The following CRTAC1 variants were observed in gnomAD, a reference collection of about 807,000 sequenced individuals.
CRTAC1 encodes cartilage acidic protein 1.
In CRTAC1, 37 loss-of-function variants were observed where a neutral mutation model predicts 67.8. That is an observed-to-expected ratio of 0.55 (90% CI 0.42 to 0.72). CRTAC1 has a LOEUF of 0.72. Among genes scored for constraint, CRTAC1 ranks in the 30% least tolerant of loss-of-function variants. The probability of loss-of-function intolerance (pLI) is 0.00; values close to 1 mark genes in which losing one functional copy is unlikely to be tolerated. For missense variants in CRTAC1, 780 were observed against 931.6 expected, an observed-to-expected ratio of 0.84 and a Z score of 2.12; for synonymous variants, 348 against 371.0, an observed-to-expected ratio of 0.94 and a Z score of 0.71.
rs1004596888 is a variant in CRTAC1 at position 97,936,484 on chromosome 10, G to A, written c.225-118C>T. The A allele has an allele frequency of 9.1e-5, 68 of 750,548 alleles. No homozygotes were observed. The African/African-American group carries it at 1.1e-3, about 12-fold the overall frequency. The allele number at this position is 750,548 out of a possible 1,614,324, so 46.5% of individuals were successfully genotyped here. A position where few individuals can be genotyped will look rare whatever the true frequency, so the allele number is the denominator to read the frequency against. ...ACACGCCATGGGGCAAGTCAGACCT[G>A]GAGTGTTCCCAGGGAACACGGCCAG... On this transcript the variant is annotated intron_variant, in intron 2 of 14. Coordinates refer to ENST00000370597, the MANE Select transcript of CRTAC1 (RefSeq NM_018058.7).
chr10:98,008,011 C>T (rs1016418692), intron 2 of CRTAC1, among the ~76,000 whole-genome samples: 4 of 152,152 alleles, frequency 2.6e-5, no homozygotes, highest in Non-Finnish European at 4.4e-5. Flanking sequence ...CACACAGAGC[C>T]CACATTTACG....
rs371996672 is a variant in CRTAC1 at position 97,897,414 on chromosome 10, C to A, written c.1134-423G>T. The stretch of plus-strand genomic sequence containing the variant: ...TGGACCATCCTGCTGGAAGCAATCC[C>A]TTCTTTCTTCATGGGCTTTATTACT... On this transcript the variant is annotated intron_variant, in intron 8 of 14. Transcript: ENST00000370597. Among the ~76,000 whole-genome samples the A allele has an allele frequency of 1.5e-3, 233 of 152,340 alleles. 2 individuals carry two copies. Among genetic ancestry groups the A allele is most frequent in the African/African-American group, 5.1e-3 (211 of 41,588 alleles).
chr10:97,953,624 A>G (rs2051395314), intron 2 of CRTAC1, among the ~76,000 whole-genome samples: 1 of 152,282 alleles, frequency 6.6e-6, no homozygotes, highest in Non-Finnish European at 1.5e-5. Context: ...TAGCGCATTG[A>G]TGGCTTAATC....
At chr10:97,999,868 C>T (rs934091497) in intron 2 of CRTAC1, among the ~76,000 whole-genome samples, 1 of 152,186 alleles carries the variant, frequency 6.6e-6, no homozygotes. Context: ...TCCAGGGCCC[C>T]CTCACTGCTG....
intron 2 of CRTAC1, among the ~76,000 whole-genome samples, chr10:97,963,444 T>G (rs1444815340): frequency 1.3e-5 from 2 of 152,206 alleles, no homozygotes; most frequent in African/African-American, 2.4e-5. Flanking sequence ...ACTCTCAATT[T>G]TAAGAACCAC....
chr10:98,015,613 G>A (rs1842983081), intron 1 of CRTAC1, among the ~76,000 whole-genome samples: 1 of 152,176 alleles, frequency 6.6e-6, no homozygotes, highest in Non-Finnish European at 1.5e-5. Context: ...CCAAATTTTT[G>A]TTGCTGTTAA....
intron 1 of CRTAC1, among the ~76,000 whole-genome samples, chr10:98,021,075 C>T (rs554416098): frequency 5.3e-5 from 8 of 152,190 alleles, no homozygotes; most frequent in African/African-American, 1.2e-4. Flanking sequence ...TGTCAGGTAC[C>T]GCTCTGGGCA....
intron 11 of CRTAC1, among the ~76,000 whole-genome samples, chr10:97,892,133 T>C (rs1265245545): frequency 6.6e-6 from 1 of 152,194 alleles, no homozygotes; most frequent in Non-Finnish European, 1.5e-5. Flanking sequence ...CAGAAGGGGC[T>C]CTTGAGCCTC....
chr10:97,895,710 C>T lies in CRTAC1; in HGVS notation c.1317+175G>A, dbSNP rs141104521. Among the ~76,000 whole-genome samples the T allele has an allele frequency of 6.7e-4, 102 of 152,278 alleles. No homozygotes were observed. The highest frequency in any genetic ancestry group is 2.2e-3 in the African/African-American group (91 of 41,556). Reference sequence around the variant, plus strand: ...AGAGAGGCAAGGGCTTCTCCCAAGGCGGCCCTTCCTGAGCTTCCCGGTGCT... The same window carrying T: ...AGAGAGGCAAGGGCTTCTCCCAAGGTGGCCCTTCCTGAGCTTCCCGGTGCT... On this transcript the variant is annotated intron_variant, in intron 10 of 14. Coordinates refer to ENST00000370597, the MANE Select transcript of CRTAC1 (RefSeq NM_018058.7). This position sits in a 1 kb window ranked among gnomAD's most constrained non-coding sequence, Gnocchi z 4.2.
intron 13 of CRTAC1, among the ~76,000 whole-genome samples, chr10:97,882,532 G>A (rs1417883989): frequency 1.3e-5 from 2 of 152,140 alleles, no homozygotes; most frequent in Non-Finnish European, 2.9e-5. Context: ...GCAGTTTCTC[G>A]GTACTCATGG....
intron 3 of CRTAC1, among the ~76,000 whole-genome samples, chr10:97,924,045 C>G (rs2050878814): frequency 6.6e-6 from 1 of 152,060 alleles, no homozygotes; most frequent in Non-Finnish European, 1.5e-5. Context: ...ATTACTGGCC[C>G]CTTTGAGAAT....
At chr10:98,017,502 C>T (rs7082433) in intron 1 of CRTAC1, among the ~76,000 whole-genome samples, 6,461 of 152,178 alleles carry the variant, frequency 0.042, 433 homozygotes, top group African/African-American at 0.14. Context: ...ACTTGTGTTT[C>T]AAGCTGTGAG....
chr10:97,997,047 G>A (rs1842589917), intron 2 of CRTAC1, among the ~76,000 whole-genome samples: 1 of 138,732 alleles, frequency 7.2e-6, no homozygotes. Context: ...AGAACACATG[G>A]ACACAGGAAG....
intron 2 of CRTAC1, among the ~76,000 whole-genome samples, chr10:97,956,706 A>G (rs944317514): frequency 6.6e-6 from 1 of 152,196 alleles, no homozygotes; most frequent in African/African-American, 2.4e-5. Flanking sequence ...AAACACTAAC[A>G]TAACCCAGAC....
Position 97,917,504 on chromosome 10 carries a change from A to G in CRTAC1, c.711T>C (p.Tyr237=). 6.4e-7 allele frequency: 1 copy of G among 1,571,244 alleles called. No homozygotes were observed. Among genetic ancestry groups the G allele is most frequent in the Non-Finnish European group, 8.7e-7 (1 of 1,153,430 alleles). Residue 237 remains tyrosine (Y), a synonymous_variant, in exon 5 of 15, where the codon TAT becomes TAC. Transcript: ENST00000370597. ...DVAAEAGVSK[Y]TGGRGVSVGP... ...CTCCCATGTCACTCTGCATACCTGTATATTTGCTGACCCCAGCCTCAGCAG... is the reference window on the plus strand; with the variant it reads ...CTCCCATGTCACTCTGCATACCTGTGTATTTGCTGACCCCAGCCTCAGCAG...
intron 6 of CRTAC1, among the ~76,000 whole-genome samples, chr10:97,905,741 G>A (rs1372062474): frequency 6.6e-6 from 1 of 152,210 alleles, no homozygotes; most frequent in African/African-American, 2.4e-5. Context: ...GGCAAACCGG[G>A]GACGTGGGTG....
intron 5 of CRTAC1, 133 bp from the exon 6 acceptor site, chr10:97,908,280 C>T (rs1189231457): frequency 4.4e-6 from 4 of 907,082 alleles, no homozygotes; most frequent in African/African-American, 1.7e-5. Context: ...AATTCTGCTT[C>T]CCGTGCTTTC....
rs375353095 is a variant in CRTAC1, at chr10:97,933,093, G to A, written c.421+3077C>T. Reference sequence around the variant, plus strand: ...CCATGGGCATGCCTGGGCTGGTTGGGACCCCTGGAGAGTGGGAAGGGTGGC... The same window carrying A: ...CCATGGGCATGCCTGGGCTGGTTGGAACCCCTGGAGAGTGGGAAGGGTGGC... On this transcript the variant is annotated intron_variant, in intron 3 of 14. Coordinates refer to ENST00000370597, the MANE Select transcript of CRTAC1 (RefSeq NM_018058.7). Among the ~76,000 whole-genome samples, 81 of 152,370 alleles carry A rather than the reference G, an allele frequency of 5.3e-4. 1 individual carries two copies. The highest frequency in any genetic ancestry group is 1.9e-3 in the African/African-American group (79 of 41,590).
At chr10:97,915,223 G>C (rs372097090) in intron 5 of CRTAC1, among the ~76,000 whole-genome samples, 13 of 152,228 alleles carry the variant, frequency 8.5e-5, no homozygotes, top group Admixed American at 2.6e-4. Context: ...AGGCTGGTAG[G>C]GTTCTTAAGT....
Sources: gnomAD v4.1 joint callset for allele counts (sites outside exome capture counted in the v4.1 genomes callset) on GRCh38, gnomAD v4.1.1 for gene constraint, Gnocchi (gnomAD v3.1) non-coding constraint, MANE v1.5 for transcripts, NCBI Gene and HGNC (gene_info 2026-07-23, HGNC 2026-07-21) for gene names.